REPS1: variants seen among roughly 807,000 people sequenced by gnomAD.
REPS1 encodes the protein RALBP1 associated Eps domain containing 1.
Under a neutral mutation model 100.9 loss-of-function variants are expected in REPS1, and 39 were observed. The ratio of observed to expected loss-of-function variants is 0.39; its 90% CI spans 0.30 to 0.50. REPS1 has a LOEUF of 0.50. Among genes scored for constraint, REPS1 ranks in the 20% least tolerant of loss-of-function variants. The pLI is 0.86. For synonymous variants in REPS1, 324 were observed against 340.3 expected (o/e 0.95, Z 0.53); for missense variants, 821 against 968.5 (o/e 0.85, Z 2.02).
At position 138,987,851 on chromosome 6, in the gene REPS1, G is replaced by A. The variant is rs1022430856; in HGVS notation, c.-169C>T. 4 of 721,144 alleles carry A rather than the reference G, an allele frequency of 5.5e-6. No homozygotes were observed. Among genetic ancestry groups the A allele is most frequent in the African/African-American group, 3.7e-5 (2 of 54,292 alleles). The allele number at this position is 721,144 out of a possible 1,614,324, so 44.7% of individuals were successfully genotyped here. A position where few individuals can be genotyped will look rare whatever the true frequency, so the allele number is the denominator to read the frequency against. On this transcript the variant is annotated 5_prime_UTR_variant, in exon 1 of 20. Transcript: ENST00000450536. Reference sequence around the variant, plus strand: ...TGCGCCCGAGCAACAGGGCCCGGAGGTCGCGAGGAGGGGGCCCGGCTGCGC... The same window carrying A: ...TGCGCCCGAGCAACAGGGCCCGGAGATCGCGAGGAGGGGGCCCGGCTGCGC...
chr6:138,906,996 G>C (rs1779694030), intron 19 of REPS1, among the ~76,000 whole-genome samples: 2 of 152,062 alleles, frequency 1.3e-5, no homozygotes, highest in African/African-American at 4.8e-5. Context: ...ATAGTTACTA[G>C]AAAACAAACA....
At chr6:138,984,947 T>C (rs1785169858) in intron 1 of REPS1, among the ~76,000 whole-genome samples, 1 of 152,202 alleles carries the variant, frequency 6.6e-6, no homozygotes, top group South Asian at 2.1e-4. Context: ...GTCACCCTGG[T>C]TGGATGTCCA....
intron 9 of REPS1, 50 bp from the exon 10 acceptor site, chr6:138,926,531 A>T: frequency 7.8e-7 from 1 of 1,284,328 alleles, no homozygotes; most frequent in East Asian, 2.3e-5. Flanking sequence ...AGATGGAGTA[A>T]AAGATCACTG....
At chr6:138,986,938 T>C (rs1785292368) in intron 1 of REPS1, among the ~76,000 whole-genome samples, 1 of 152,222 alleles carries the variant, frequency 6.6e-6, no homozygotes, top group South Asian at 2.1e-4. Context: ...TGAAAAACAT[T>C]GTTCAGTCTC....
At chr6:138,931,632 G>A (rs1447496554) in intron 8 of REPS1, among the ~76,000 whole-genome samples, 1 of 152,052 alleles carries the variant, frequency 6.6e-6, no homozygotes, top group African/African-American at 2.4e-5. Context: ...AGAAGTGTCT[G>A]GGTAGTACAG....
At chr6:138,931,190 T>C (rs1781464612) in intron 8 of REPS1, among the ~76,000 whole-genome samples, 1 of 152,212 alleles carries the variant, frequency 6.6e-6, no homozygotes, top group African/African-American at 2.4e-5. Flanking sequence ...ATGTTAGCAC[T>C]ATACTTCAGA....
Position 138,943,184 on chromosome 6 carries a change from T to C in REPS1, c.980+329A>G, listed in dbSNP as rs538375184. 3.3e-5 allele frequency among the ~76,000 whole-genome samples: 5 copies of C among 152,368 alleles called. No homozygotes were observed. The East Asian group carries it at 5.8e-4, about 18-fold the overall frequency. ...CCATTCCTAAACTTATGGCATGGTATAGGACTTACTAAACTTGATAAAAAA... is the reference window on the plus strand; with the variant it reads ...CCATTCCTAAACTTATGGCATGGTACAGGACTTACTAAACTTGATAAAAAA... On this transcript the variant is annotated intron_variant, in intron 7 of 19. Transcript: ENST00000450536.
At chr6:138,968,843 TA>T (rs998789169) in intron 1 of REPS1, among the ~76,000 whole-genome samples, 17 of 151,792 alleles carry the variant, frequency 1.1e-4, no homozygotes, top group African/African-American at 3.9e-4. Context: ...AGAACGGTGT[TA>T]AAAAAAAATT....
intron 1 of REPS1, 87 bp from the exon 2 acceptor site, chr6:138,948,000 C>T: frequency 1.7e-6 from 2 of 1,185,652 alleles, no homozygotes; most frequent in Middle Eastern, 2.1e-4. Context: ...TTTGTAACGT[C>T]TCAAAATATC....
rs753999578 is a variant in REPS1, at chr6:138,904,441, G to C, written c.*623C>G. The stretch of plus-strand genomic sequence containing the variant: ...ATTATTGAATCTCATAAAATAGTTC[G>C]AAGTCGCTGATGAAGTTGATCACAT... On this transcript the variant is annotated 3_prime_UTR_variant, in exon 20 of 20. Coordinates refer to ENST00000450536, the MANE Select transcript of REPS1 (RefSeq NM_001286611.2). 3.9e-5 allele frequency: 6 copies of C among 152,124 alleles called. No individual in the cohort carries two copies. Among genetic ancestry groups the C allele is most frequent in the Non-Finnish European group, 8.8e-5 (6 of 68,020 alleles). The allele number at this position is 152,124 out of a possible 1,614,324, so 9.4% of individuals were successfully genotyped here. A position where few individuals can be genotyped will look rare whatever the true frequency, so the allele number is the denominator to read the frequency against.
At chr6:138,986,313 A>G (rs1285791340) in intron 1 of REPS1, among the ~76,000 whole-genome samples, 2 of 152,250 alleles carry the variant, frequency 1.3e-5, no homozygotes, top group Non-Finnish European at 1.5e-5. Context: ...AATGTAAAAC[A>G]CAAGACCATT....
intron 9 of REPS1, chr6:138,927,767 C>A (rs1781230602): frequency 6.6e-6 from 1 of 152,150 alleles, no homozygotes; most frequent in African/African-American, 2.4e-5. Context: ...CAAAGTATTT[C>A]ATGAATTAAG....
At chr6:138,946,465 C>T (rs1194761258) in intron 2 of REPS1, among the ~76,000 whole-genome samples, 1 of 152,160 alleles carries the variant, frequency 6.6e-6, no homozygotes, top group Non-Finnish European at 1.5e-5. Flanking sequence ...ACCTCCATTA[C>T]ATGATTACTT....
At chr6:138,909,455 T>C (rs1779867906) in intron 17 of REPS1, among the ~76,000 whole-genome samples, 5 of 152,206 alleles carry the variant, frequency 3.3e-5, no homozygotes. Flanking sequence ...TTTTAATTTG[T>C]TACTGTGAGT....
intron 17 of REPS1, chr6:138,909,029 C>A: frequency 2.0e-6 from 1 of 508,696 alleles, no homozygotes; most frequent in East Asian, 3.6e-5. Flanking sequence ...AATGTACCTG[C>A]AATATAAGTA....
intron 1 of REPS1, among the ~76,000 whole-genome samples, chr6:138,977,843 T>C (rs534876682): frequency 4.4e-4 from 67 of 152,364 alleles, no homozygotes; most frequent in Non-Finnish European, 8.1e-4. Context: ...CCAATGTGGC[T>C]GTGTCATTTA....
chr6:138,921,210 A>G (rs1265175002), intron 10 of REPS1, 86 bp from the exon 11 acceptor site: 2 of 844,972 alleles, frequency 2.4e-6, no homozygotes, highest in Non-Finnish European at 1.9e-6. Flanking sequence ...AAAACTAAAA[A>G]CCAGTGGACA....
rs146703851 is a variant in REPS1, at chr6:138,906,351, A to G, written c.2322+1144T>C. 8.6e-3 allele frequency among the ~76,000 whole-genome samples: 1,312 copies of G among 152,332 alleles called. 14 individuals carry two copies. Among genetic ancestry groups the G allele is most frequent in the African/African-American group, 0.03 (1,246 of 41,580 alleles). On this transcript the variant is annotated intron_variant, in intron 19 of 19. Transcript: ENST00000450536. The stretch of plus-strand genomic sequence containing the variant: ...ATTCAACAGACATTAAAAAATGCCT[A>G]ACATACTAGGTTTCGAGGAGAGGGA...
intron 1 of REPS1, among the ~76,000 whole-genome samples, chr6:138,953,267 C>T (rs537461009): frequency 3.9e-5 from 6 of 152,188 alleles, no homozygotes; most frequent in Non-Finnish European, 7.4e-5. Flanking sequence ...GGAAATGCTT[C>T]GGTACATCAG....
Sources: allele counts gnomAD v4.1 joint callset (sites outside exome capture counted in the v4.1 genomes callset), GRCh38; gene constraint gnomAD v4.1.1; transcripts MANE v1.5; gene names NCBI Gene and HGNC (gene_info 2026-07-23, HGNC 2026-07-21).